The following HHAT variants were observed in gnomAD, a reference collection of about 807,000 sequenced individuals.
HHAT encodes hedgehog acyltransferase.
HHAT carries 47 observed loss-of-function variants against 70.8 expected under a neutral mutation model. That is an observed-to-expected ratio of 0.66 (90% CI 0.53 to 0.85). The LOEUF (loss-of-function observed/expected upper bound fraction) is 0.85. HHAT is among the 40% of genes least tolerant of loss of function. The pLI, the probability that HHAT is intolerant of heterozygous loss-of-function variation, is 0.00. For missense variants in HHAT, 609 were observed against 604.8 expected, an observed-to-expected ratio of 1.01 and a Z score of -0.07; for synonymous variants, 228 against 247.6, an observed-to-expected ratio of 0.92 and a Z score of 0.74.
At chr1:210,622,422 G>A (rs1211866544) in intron 10 of HHAT, among the ~76,000 whole-genome samples, 1 of 152,092 alleles carries the variant, frequency 6.6e-6, no homozygotes, top group Non-Finnish European at 1.5e-5. Flanking sequence ...GGTGGTCCCC[G>A]TGCATGTGCT....
intron 6 of HHAT, among the ~76,000 whole-genome samples, chr1:210,414,880 T>A (rs2092673972): frequency 6.6e-6 from 1 of 151,986 alleles, no homozygotes; most frequent in Admixed American, 6.6e-5. Context: ...TAGCCAGGTG[T>A]GGTGGTACAT....
chr1:210,631,742 G>C (rs995739163), intron 11 of HHAT, among the ~76,000 whole-genome samples: 2 of 152,176 alleles, frequency 1.3e-5, no homozygotes, highest in Non-Finnish European at 2.9e-5. Flanking sequence ...GGCTGGCTGT[G>C]GTTCTTGTCT....
intron 9 of HHAT, among the ~76,000 whole-genome samples, chr1:210,520,250 C>T (rs111943314): frequency 0.081 from 12,255 of 152,016 alleles, 621 homozygotes; most frequent in Non-Finnish European, 0.11. Flanking sequence ...CTCCTGACCT[C>T]GTGATCCACC....
chr1:210,462,268 C>T (rs1336929627), intron 7 of HHAT: 1 of 152,206 alleles, frequency 6.6e-6, no homozygotes, highest in Non-Finnish European at 1.5e-5. Flanking sequence ...TCCATAGGTC[C>T]ATTGATACCT....
intron 1 of HHAT, among the ~76,000 whole-genome samples, chr1:210,343,725 C>T (rs1384492029): frequency 2.0e-5 from 3 of 152,040 alleles, no homozygotes; most frequent in Non-Finnish European, 2.9e-5. Context: ...TTGGATTGGG[C>T]GTCAGAAGAG....
rs1041592049 is a variant in HHAT, at chr1:210,383,707, G to T, written c.160-3761G>T. ...GTGGTGGGAGATGCTGATGGAGAGG[G>T]GTTAAGGGGTCTATGGGAATTCTCT... On this transcript the variant is annotated intron_variant, in intron 3 of 11. Transcript: ENST00000261458. Among the ~76,000 whole-genome samples the T allele has an allele frequency of 7.2e-5, 11 of 152,066 alleles. 1 individual carries two copies. The highest frequency in any genetic ancestry group is 2.7e-4 in the African/African-American group (11 of 41,396).
At chr1:210,583,020 GCA>G in intron 9 of HHAT, among the ~76,000 whole-genome samples, 1 of 152,170 alleles carries the variant, frequency 6.6e-6, no homozygotes, top group Non-Finnish European at 1.5e-5. Context: ...ATCAGTGAAA[GCA>G]CCCAGCCCTG....
chr1:210,531,580 C>T (rs1238435255), intron 9 of HHAT, among the ~76,000 whole-genome samples: 2 of 152,056 alleles, frequency 1.3e-5, no homozygotes, highest in African/African-American at 2.4e-5. Context: ...GTCTGAGCCT[C>T]GGTTTTTTCA....
chr1:210,363,116 C>T (rs1009116919), intron 3 of HHAT, among the ~76,000 whole-genome samples, 197 bp downstream of exon 3: 1 of 152,158 alleles, frequency 6.6e-6, no homozygotes, highest in African/African-American at 2.4e-5. Flanking sequence ...CCCCTGTACT[C>T]TTCTGAAGAT....
At chr1:210,520,115 A>G (rs2148603849) in intron 9 of HHAT, among the ~76,000 whole-genome samples, 1 of 152,138 alleles carries the variant, frequency 6.6e-6, no homozygotes, top group East Asian at 1.9e-4. Context: ...TCCTGGATTC[A>G]AGTGATTCTC....
rs527860889 is a variant in HHAT at position 210,509,297 on chromosome 1, AGT to A, written c.1008-3853_1008-3852del. Among the ~76,000 whole-genome samples the A allele has an allele frequency of 9.8e-5, 15 of 152,318 alleles. No homozygotes were observed. The East Asian group carries it at 2.7e-3, about 27-fold the overall frequency. On this transcript the variant is annotated intron_variant, in intron 8 of 11. Transcript: ENST00000261458. ...AGGTGCTCTCATGAGCATTTTTATG[AGT>A]GTCTCATTGGTGCTCAAAAAGTTTT...
Position 210,553,659 on chromosome 1 carries a change from G to A in HHAT, c.1044-34239G>A, listed in dbSNP as rs553072492. 4.6e-5 allele frequency among the ~76,000 whole-genome samples: 7 copies of A among 152,350 alleles called. No individual in the cohort carries two copies. In the South Asian group the frequency reaches 1.5e-3, roughly 32 times the overall value. Reference sequence around the variant, plus strand: ...TGAGGCCAGAGTGAAACATCTTGGTGTTCAGGGCTGGCTTAGACCCCTGCA... The same window carrying A: ...TGAGGCCAGAGTGAAACATCTTGGTATTCAGGGCTGGCTTAGACCCCTGCA... On this transcript the variant is annotated intron_variant, in intron 9 of 11. Transcript: ENST00000261458.
intron 3 of HHAT, among the ~76,000 whole-genome samples, chr1:210,383,566 GT>G (rs755314881): frequency 2.6e-5 from 4 of 152,244 alleles, no homozygotes; most frequent in Middle Eastern, 3.4e-3. Context: ...GTGGATATGT[GT>G]TTTTATACAT....
intron 3 of HHAT, among the ~76,000 whole-genome samples, chr1:210,371,608 A>G (rs1369422868): frequency 3.9e-5 from 6 of 152,184 alleles, no homozygotes; most frequent in Non-Finnish European, 8.8e-5. Flanking sequence ...GACAGGCTGA[A>G]CATTCACGCA....
chr1:210,359,405 A>G (rs575732931), intron 2 of HHAT, among the ~76,000 whole-genome samples: 1 of 152,316 alleles, frequency 6.6e-6, no homozygotes, highest in Admixed American at 6.5e-5. Context: ...CCTAGGGAGA[A>G]CATCACTATT....
chr1:210,351,719 TGTC>T (rs2087040121), intron 2 of HHAT, among the ~76,000 whole-genome samples: 1 of 152,232 alleles, frequency 6.6e-6, no homozygotes, highest in Non-Finnish European at 1.5e-5. Context: ...AGCTGGGGAC[TGTC>T]AAGTGGAGTA....
chr1:210,542,894 A>G (rs1186601131), intron 9 of HHAT, among the ~76,000 whole-genome samples: 1 of 152,132 alleles, frequency 6.6e-6, no homozygotes. Flanking sequence ...ATGTGTCTGT[A>G]TATATTTTGA....
chr1:210,632,906 A>T (rs183210362), intron 11 of HHAT, among the ~76,000 whole-genome samples: 1 of 152,176 alleles, frequency 6.6e-6, no homozygotes, highest in Admixed American at 6.5e-5. Context: ...CCATGGGGAG[A>T]TGGAGGCAGG....
In HHAT at chr1:210,539,822, C is replaced by A. The variant is rs1320338911; in HGVS notation, c.1043+26634C>A. ...GCCCTGTCATCCTTTGAATTTTGTC[C>A]TGTGTCCTTCCAGTAAATCCTCCTG... On this transcript the variant is annotated intron_variant, in intron 9 of 11. Transcript: ENST00000261458. Among the ~76,000 whole-genome samples the A allele has an allele frequency of 2.6e-5, 4 of 152,240 alleles. No homozygotes were observed. In the South Asian group the frequency reaches 8.3e-4, roughly 32 times the overall value.
Sources: allele counts gnomAD v4.1 joint callset (sites outside exome capture counted in the v4.1 genomes callset), GRCh38; gene constraint gnomAD v4.1.1; transcripts MANE v1.5; gene names NCBI Gene and HGNC (gene_info 2026-07-23, HGNC 2026-07-21).